Variants in BCL11A observed in about 807,000 individuals in gnomAD.
BCL11A encodes the protein BCL11 transcription factor A.
BCL11A carries 2 observed loss-of-function variants against 55.9 expected under a neutral mutation model. The observed-to-expected ratio is 0.04, with a 90% CI of 0.01 to 0.11. BCL11A has a LOEUF of 0.11. Among genes scored for constraint, BCL11A ranks in the 10% least tolerant of loss-of-function variants. The probability of loss-of-function intolerance (pLI) is 1.00; values close to 1 mark genes in which losing one functional copy is unlikely to be tolerated. For missense variants in BCL11A, 817 were observed against 1,137.1 expected (o/e 0.72, Z 4.05); for synonymous variants, 465 against 473.4 (o/e 0.98, Z 0.23).
chr2:60,486,440 A>G (rs1161462870), intron 2 of BCL11A, among the ~76,000 whole-genome samples: 1 of 152,172 alleles, frequency 6.6e-6, no homozygotes, highest in Non-Finnish European at 1.5e-5. Flanking sequence ...ATTCAAGAAA[A>G]CTATACTTAG....
At position 60,507,379 on chromosome 2, in the gene BCL11A, G is replaced by GAAGGGA. The variant is rs548625968; in HGVS notation, c.386-38547_386-38546insTCCCTT. Reference sequence around the variant, plus strand: ...GAAGGGAAGGGAAGGGAAGGGAAGGGAGGGAGGGAAGGAGGGCCCTTGCCT... The same window carrying GAAGGGA: ...GAAGGGAAGGGAAGGGAAGGGAAGGGAAGGGAAGGGAGGGAAGGAGGGCCCTTGCCT... On this transcript the variant is annotated intron_variant, in intron 2 of 3. Transcript: ENST00000642384. Among the ~76,000 whole-genome samples the GAAGGGA allele has an allele frequency of 1.3e-4, 13 of 102,368 alleles. 2 individuals carry two copies. Among genetic ancestry groups the GAAGGGA allele is most frequent in the South Asian group, 3.8e-4 (1 of 2,660 alleles). The allele number at this position is 102,368 out of a possible 152,430, so 67.2% of individuals were successfully genotyped here.
chr2:60,537,065 CAT>C (rs1159027060), intron 2 of BCL11A: 5 of 152,202 alleles, frequency 3.3e-5, no homozygotes, highest in African/African-American at 1.2e-4. Context: ...AGAAGAAATA[CAT>C]AGTCTTTGAA....
At chr2:60,523,291 GC>G (rs1426650671) in intron 2 of BCL11A, among the ~76,000 whole-genome samples, 2 of 152,202 alleles carry the variant, frequency 1.3e-5, no homozygotes, top group Non-Finnish European at 2.9e-5. Context: ...CAGGATTCCT[GC>G]TTGGGACTGT....
At chr2:60,515,750 A>G (rs1214247703) in intron 2 of BCL11A, among the ~76,000 whole-genome samples, 8 of 152,188 alleles carry the variant, frequency 5.3e-5, no homozygotes, top group Non-Finnish European at 1.0e-4. Flanking sequence ...GGACTGACAC[A>G]GACATGGGGG....
At chr2:60,472,408 T>C (rs888647773) in intron 2 of BCL11A, among the ~76,000 whole-genome samples, 1 of 152,246 alleles carries the variant, frequency 6.6e-6, no homozygotes, top group Non-Finnish European at 1.5e-5. Flanking sequence ...TACACTTTTC[T>C]GGTGGAAGGT....
chr2:60,545,463 A>G (rs1573095013), intron 2 of BCL11A: 1 of 158,788 alleles, frequency 6.3e-6, no homozygotes, highest in Non-Finnish European at 1.4e-5. Context: ...AACTCTTTCC[A>G]CCACCTCCAA....
chr2:60,470,183 C>T (rs1374109467), intron 2 of BCL11A, among the ~76,000 whole-genome samples: 2 of 152,050 alleles, frequency 1.3e-5, no homozygotes, highest in Non-Finnish European at 2.9e-5. Context: ...CAGAGGGAAG[C>T]CCTGGTGGAA....
Position 60,459,846 on chromosome 2 carries a change from G to A in BCL11A, c.*558C>T. On this transcript the variant is annotated 3_prime_UTR_variant, in exon 4 of 4. Coordinates refer to ENST00000642384, the MANE Select transcript of BCL11A (RefSeq NM_022893.4). The stretch of plus-strand genomic sequence containing the variant: ...AGTGCTATCTATTCTGTCTATAGAG[G>A]GTTAATCCAAAGACTGTTTTTCCTC... 5 of 1,044,690 alleles carry A rather than the reference G, an allele frequency of 4.8e-6. No homozygotes were observed. The highest frequency in any genetic ancestry group is 5.8e-6 in the Non-Finnish European group (5 of 866,248). The allele number at this position is 1,044,690 out of a possible 1,614,324, so 64.7% of individuals were successfully genotyped here.
chr2:60,496,976 G>A (rs1342313273), intron 2 of BCL11A, among the ~76,000 whole-genome samples: 3 of 152,194 alleles, frequency 2.0e-5, no homozygotes, highest in Admixed American at 6.5e-5. Context: ...CTGTCTTCAC[G>A]ATTACTTCAC....
intron 2 of BCL11A, among the ~76,000 whole-genome samples, chr2:60,494,119 C>A (rs1047536331): frequency 6.6e-6 from 1 of 152,172 alleles, no homozygotes; most frequent in African/African-American, 2.4e-5. Flanking sequence ...GAAAGTGAAG[C>A]CCCATGGGTG....
At chr2:60,464,903 G>A (rs1345863627) in intron 3 of BCL11A, among the ~76,000 whole-genome samples, 2 of 152,040 alleles carry the variant, frequency 1.3e-5, no homozygotes, top group African/African-American at 2.4e-5. Context: ...ATCTTATAAT[G>A]AGCATACAAC....
At chr2:60,533,954 C>A (rs1032935177) in intron 2 of BCL11A, 1 of 152,230 alleles carries the variant, frequency 6.6e-6, no homozygotes, top group African/African-American at 2.4e-5. Context: ...ACACACTGTT[C>A]ATTTTCCATC....
chr2:60,457,884 C>T lies in BCL11A; in HGVS notation c.*2520G>A. The T allele has an allele frequency of 5.7e-6, 6 of 1,048,904 alleles. No homozygotes were observed. The highest frequency in any genetic ancestry group is 6.9e-6 in the Non-Finnish European group (6 of 869,002). 65.0% of individuals were successfully genotyped at this position (1,048,904 alleles called of 1,614,324 possible). On this transcript the variant is annotated 3_prime_UTR_variant, in exon 4 of 4. Transcript: ENST00000642384. The stretch of plus-strand genomic sequence containing the variant: ...CTATGACAGCCATCCATGTGACATT[C>T]TAGCAGGCTCCCCCAAACCGCCATT...
chr2:60,451,166 G>A (rs1301418607), exon 5 of BCL11A: 1 of 193,572 alleles, frequency 5.2e-6, no homozygotes, highest in Non-Finnish European at 1.1e-5. Flanking sequence ...GTTCACTACT[G>A]TAGACAGTCA....
intron 2 of BCL11A, among the ~76,000 whole-genome samples, chr2:60,523,555 G>A (rs542456216): frequency 5.9e-5 from 9 of 151,780 alleles, no homozygotes; most frequent in East Asian, 5.8e-4. Context: ...ATGCATATAC[G>A]TATGTATATA....
In BCL11A at chr2:60,519,539, T is replaced by TTGCCTGCC. The variant is rs3028029; in HGVS notation, c.385+26424_385+26431dup. Reference sequence around the variant, plus strand: ...TGCAGAGAAAAAATAAGGTCCTCACTTGCCTGCCTGCCTGCCTGCCTGCCT... The same window carrying TTGCCTGCC: ...TGCAGAGAAAAAATAAGGTCCTCACTTGCCTGCCTGCCTGCCTGCCTGCCTGCCTGCCT... On this transcript the variant is annotated intron_variant, in intron 2 of 3. Transcript: ENST00000642384. Among the ~76,000 whole-genome samples, 1,363 of 147,624 alleles carry TTGCCTGCC rather than the reference T, an allele frequency of 9.2e-3. 11 individuals carry two copies. Among genetic ancestry groups the TTGCCTGCC allele is most frequent in the South Asian group, 0.018 (80 of 4,480 alleles).
intron 2 of BCL11A, among the ~76,000 whole-genome samples, chr2:60,529,177 G>A (rs764001593): frequency 6.6e-6 from 1 of 152,150 alleles, no homozygotes; most frequent in Admixed American, 6.5e-5. Context: ...CCCATAATGG[G>A]GGAACTACTT....
chr2:60,476,571 G>A (rs1211204268), intron 2 of BCL11A, among the ~76,000 whole-genome samples: 2 of 152,200 alleles, frequency 1.3e-5, no homozygotes, highest in African/African-American at 4.8e-5. Flanking sequence ...AGCATGGAGG[G>A]TTCTTGGAAA....
intron 2 of BCL11A, among the ~76,000 whole-genome samples, chr2:60,483,266 A>T (rs574922735): frequency 6.6e-6 from 1 of 152,350 alleles, no homozygotes; most frequent in Admixed American, 6.5e-5. Flanking sequence ...GTGGTAGAGA[A>T]ATGGTCTTGA....
Sources: allele counts gnomAD v4.1 joint callset (sites outside exome capture counted in the v4.1 genomes callset), GRCh38; gene constraint gnomAD v4.1.1; transcripts MANE v1.5; gene names NCBI Gene and HGNC (gene_info 2026-07-23, HGNC 2026-07-21).